Variants in XIST observed in about 807,000 individuals in gnomAD.
XIST encodes X inactive specific transcript (non-protein coding).
exon 1 of XIST, chrX:73,844,391 T>C (rs1186236373): frequency 2.0e-5 from 11 of 558,270 alleles, no homozygotes; most frequent in Non-Finnish European, 3.6e-5. Context: ...CATGAGAAGG[T>C]GCCCTTATCT....
chrX:73,850,542 G>A (rs1170889008), exon 1 of XIST: 4 of 544,964 alleles, frequency 7.3e-6, no homozygotes, highest in African/African-American at 2.4e-5. Context: ...CTTGAGGAAG[G>A]CAGGAATTCC....
exon 1 of XIST, chrX:73,848,740 T>C (rs766739539): frequency 1.8e-6 from 1 of 558,671 alleles, no homozygotes; most frequent in Non-Finnish European, 3.2e-6. Flanking sequence ...TATGCAATTA[T>C]GCATATCAAC....
exon 1 of XIST, chrX:73,847,005 G>A (rs1035844931): frequency 1.3e-5 from 7 of 557,622 alleles, no homozygotes; most frequent in Middle Eastern, 6.1e-4. Flanking sequence ...ATAAGTACAG[G>A]AGTCCTGATA....
chrX:73,850,695 G>C, exon 1 of XIST: 1 of 281,801 alleles, frequency 3.5e-6, no homozygotes, highest in Non-Finnish European at 6.4e-6. Context: ...GGGGTAGGGG[G>C]GTAGGGGGGT....
At chrX:73,839,625 T>C (rs1444631235) in intron 1 of XIST, among the ~76,000 whole-genome samples, 1 of 111,340 alleles carries the variant, frequency 9.0e-6, no homozygotes, top group East Asian at 2.8e-4. Flanking sequence ...TCTTTGGTTT[T>C]GCTATTTATT....
At chrX:73,823,679 A>T in exon 6 of XIST, 1 of 557,876 alleles carries the variant, frequency 1.8e-6, no homozygotes, top group East Asian at 3.2e-5. Flanking sequence ...TTTTGCAAAA[A>T]TTTTCCATCT....
At chrX:73,851,963 C>G in exon 1 of XIST, 1 of 557,823 alleles carries the variant, frequency 1.8e-6, no homozygotes, top group Non-Finnish European at 3.2e-6. Context: ...GTGCAACAAC[C>G]CACAAAACCA....
At position 73,848,217 on chromosome X, in the gene XIST, C is replaced by G. The variant is rs760397228; in HGVS notation, n.4507G>C. 7.2e-6 allele frequency: 4 copies of G among 556,609 alleles called. No homozygotes were observed. In the Admixed American group the frequency reaches 8.9e-5, roughly 12 times the overall value. 45.9% of individuals were successfully genotyped at this position (556,609 alleles called of 1,213,427 possible). ...TGCGCATTAACAGTCCCAAGTACCC[C>G]CTGCTGTAAGACAAAAGGAATATGA... On this transcript the variant is annotated non_coding_transcript_exon_variant, in exon 1 of 6. Coordinates refer to ENST00000429829, the Ensembl canonical transcript of XIST.
exon 1 of XIST, chrX:73,851,013 G>A: frequency 3.6e-6 from 2 of 559,459 alleles, no homozygotes; most frequent in Non-Finnish European, 6.5e-6. Flanking sequence ...AAAGACAGCT[G>A]CGAAGTGCCA....
rs911495632 is a variant in XIST at position 73,827,838 on chromosome X, A to T, written n.12063T>A. The stretch of plus-strand genomic sequence containing the variant: ...ATGAGAGATATGTCTAAGACAAGAC[A>T]CAGACCACTCTTGTGAACAAAAAGA... On this transcript the variant is annotated non_coding_transcript_exon_variant, in exon 6 of 6. Transcript: ENST00000429829. 5.7e-6 allele frequency: 3 copies of T among 530,106 alleles called. No homozygotes were observed. In the African/African-American group the frequency reaches 6.8e-5, roughly 12 times the overall value. 43.7% of individuals were successfully genotyped at this position (530,106 alleles called of 1,213,427 possible).
exon 6 of XIST, chrX:73,827,140 T>C: frequency 1.8e-6 from 1 of 558,830 alleles, no homozygotes; most frequent in Admixed American, 2.2e-5. Flanking sequence ...ACTTGAGTTC[T>C]GGGTTTTACT....
exon 1 of XIST, chrX:73,851,076 A>G (rs1922926943): frequency 3.6e-6 from 2 of 559,164 alleles, no homozygotes; most frequent in South Asian, 4.4e-5. Context: ...TCATCAGTCT[A>G]ATTCCATCTT....
At chrX:73,822,025 T>C (rs1922131977) in exon 6 of XIST, 2 of 557,099 alleles carry the variant, frequency 3.6e-6, no homozygotes, top group Non-Finnish European at 6.5e-6. Context: ...AGGCAGTGTA[T>C]GTATGTGTCA....
exon 6 of XIST, chrX:73,825,362 A>G: frequency 1.8e-6 from 1 of 558,892 alleles, no homozygotes. Context: ...GCACTTTTTT[A>G]TGCTTGCTCC....
exon 1 of XIST, chrX:73,846,745 C>A (rs1243619682): frequency 1.8e-6 from 1 of 558,998 alleles, no homozygotes; most frequent in Admixed American, 2.2e-5. Flanking sequence ...ATTGGGAGGC[C>A]AAGAAATGGG....
exon 4 of XIST, chrX:73,831,132 G>C: frequency 1.8e-6 from 1 of 558,080 alleles, no homozygotes. Flanking sequence ...TATCTTGACA[G>C]AACCTCCTGA....
intron 2 of XIST, among the ~76,000 whole-genome samples, chrX:73,835,902 C>T (rs1922474179): frequency 8.9e-6 from 1 of 111,936 alleles, no homozygotes; most frequent in Non-Finnish European, 1.9e-5. Flanking sequence ...ATGCAATGCA[C>T]ATGACAATGC....
exon 1 of XIST, chrX:73,848,003 A>T (rs771265011): frequency 1.8e-6 from 1 of 557,762 alleles, no homozygotes; most frequent in African/African-American, 2.2e-5. Context: ...GGTCTTGACT[A>T]GAGGTCATCC....
chrX:73,842,763 G>T (rs368349647), exon 1 of XIST: 2 of 558,307 alleles, frequency 3.6e-6, no homozygotes, highest in Non-Finnish European at 6.5e-6. Context: ...CAAGAGAAAG[G>T]GCCTTGTCTG....
Sources: gnomAD v4.1 joint callset for allele counts (sites outside exome capture counted in the v4.1 genomes callset) on GRCh38, gnomAD v4.1.1 for gene constraint, MANE v1.5 for transcripts, NCBI Gene and HGNC (gene_info 2026-07-23, HGNC 2026-07-21) for gene names.